Variants in CACNA1C observed in about 807,000 individuals in gnomAD.
The protein encoded by CACNA1C is voltage-dependent L-type calcium channel subunit alpha-1C.
CACNA1C carries 30 observed loss-of-function variants against 229.0 expected under a neutral mutation model. The observed-to-expected ratio is 0.13, with a 90% confidence interval of 0.10 to 0.18. The LOEUF is 0.18. Among genes scored for constraint, CACNA1C ranks in the 10% least tolerant of loss-of-function variants. The pLI is 1.00. For missense variants in CACNA1C, 1,658 were observed against 2,845.0 expected, an observed-to-expected ratio of 0.58 and a Z score of 9.49; for synonymous variants, 1,114 against 1,132.5, an observed-to-expected ratio of 0.98 and a Z score of 0.33.
chr12:2,385,537 G>GTAGC (rs2154546879), intron 3 of CACNA1C, among the ~76,000 whole-genome samples: 1 of 152,206 alleles, frequency 6.6e-6, no homozygotes, highest in East Asian at 1.9e-4. Flanking sequence ...CCCTCCCTCT[G>GTAGC]TAGCCTTAGG....
chr12:2,014,177 A>G (rs957513549), intron 1 of CACNA1C, among the ~76,000 whole-genome samples: 4 of 152,086 alleles, frequency 2.6e-5, no homozygotes, highest in East Asian at 3.9e-4. Flanking sequence ...TTTATAAACA[A>G]CCCCAAACAC....
chr12:2,684,725 C>T (rs990494806), intron 43 of CACNA1C, among the ~76,000 whole-genome samples: 5 of 152,168 alleles, frequency 3.3e-5, no homozygotes, highest in African/African-American at 1.2e-4. Context: ...GAAATGGAAG[C>T]TGGATCTGCA....
chr12:2,456,979 C>T (rs1168801364), intron 4 of CACNA1C, among the ~76,000 whole-genome samples: 2 of 152,232 alleles, frequency 1.3e-5, no homozygotes, highest in African/African-American at 4.8e-5. Flanking sequence ...GGCTGAAAGC[C>T]CTGTGTCTCA....
chr12:2,190,207 G>A (rs149428826), intron 3 of CACNA1C, among the ~76,000 whole-genome samples: 1 of 152,332 alleles, frequency 6.6e-6, no homozygotes, highest in African/African-American at 2.4e-5. Flanking sequence ...GTACTTCTGT[G>A]TGAAATGGCG....
At chr12:2,429,021 G>T (rs536619875) in intron 3 of CACNA1C, among the ~76,000 whole-genome samples, 1 of 152,120 alleles carries the variant, frequency 6.6e-6, no homozygotes, top group Non-Finnish European at 1.5e-5. Context: ...AGTTGGCGGG[G>T]CCATTCTCTA....
Position 2,630,342 on chromosome 12 carries a change from A to G in CACNA1C, c.3829-3955A>G, listed in dbSNP as rs188108368. ...AGCAACCGAGGGGGCGGGCAAAAACAGAGAGAAGAGAGATGAGACAGCATC... is the reference window on the plus strand; with the variant it reads ...AGCAACCGAGGGGGCGGGCAAAAACGGAGAGAAGAGAGATGAGACAGCATC... On this transcript the variant is annotated intron_variant, in intron 29 of 46. Coordinates refer to ENST00000399655, the MANE Select transcript of CACNA1C (RefSeq NM_000719.7). The surrounding 1 kb of genome is among the most constrained non-coding windows in gnomAD (Gnocchi z 5.4). Among the ~76,000 whole-genome samples the G allele has an allele frequency of 1.3e-5, 2 of 152,256 alleles. No homozygotes were observed. The highest frequency in any genetic ancestry group is 3.9e-4 in the East Asian group (2 of 5,174).
chr12:2,031,958 T>C (rs2048293590), intron 1 of CACNA1C, among the ~76,000 whole-genome samples: 1 of 150,278 alleles, frequency 6.7e-6, no homozygotes. Flanking sequence ...GACAAATGTG[T>C]TGCTCTTTCT....
chr12:2,584,561 C>A lies in CACNA1C; in HGVS notation c.2283C>A (p.Ser761Arg). 2 of 1,613,856 alleles carry A rather than the reference C, an allele frequency of 1.2e-6. No individual in the cohort carries two copies. Among genetic ancestry groups the A allele is most frequent in the Non-Finnish European group, 1.7e-6 (2 of 1,179,790 alleles). ...TGGACAACCTGGCTGATGCTGAGAG[C>A]CTCACATCTGCCCAAAAGGAGGAGG... ...IAVDNLADAE[S>R]LTSAQKEEEE... Residue 761 changes from serine to arginine, a missense_variant, in exon 16 of 47, where the codon AGC becomes AGA. Transcript: ENST00000399655.
At chr12:2,119,816 A>C (rs1161618214) in intron 2 of CACNA1C, among the ~76,000 whole-genome samples, 29 of 152,250 alleles carry the variant, frequency 1.9e-4, no homozygotes, top group Non-Finnish European at 1.5e-5. Flanking sequence ...AATGGAAACC[A>C]CTCTTAACCT....
intron 16 of CACNA1C, among the ~76,000 whole-genome samples, chr12:2,584,985 C>T (rs2301362): frequency 1.4e-3 from 208 of 152,276 alleles, no homozygotes; most frequent in East Asian, 7.7e-3. Context: ...AATTCATCTC[C>T]AGTGTTAGGA....
At chr12:2,239,206 G>T (rs2068741941) in intron 3 of CACNA1C, among the ~76,000 whole-genome samples, 1 of 152,206 alleles carries the variant, frequency 6.6e-6, no homozygotes, top group Non-Finnish European at 1.5e-5. Flanking sequence ...TACCAAAACA[G>T]CCAGAGAACT....
intron 28 of CACNA1C, 89 bp from the exon 29 acceptor site, chr12:2,611,814 G>T (rs370309289): frequency 1.3e-6 from 1 of 774,694 alleles, no homozygotes; most frequent in South Asian, 1.6e-5. Context: ...TTGCTGAGGC[G>T]AGGGCCTTCG....
At chr12:2,473,176 G>A (rs1019897305) in intron 5 of CACNA1C, among the ~76,000 whole-genome samples, 6 of 152,170 alleles carry the variant, frequency 3.9e-5, no homozygotes, top group African/African-American at 7.2e-5. Context: ...CTTTTCTGCT[G>A]TCAACCCTAA....
At chr12:2,570,861 G>A (rs2053980591) in intron 13 of CACNA1C, among the ~76,000 whole-genome samples, 2 of 152,204 alleles carry the variant, frequency 1.3e-5, no homozygotes, top group Non-Finnish European at 1.5e-5. Flanking sequence ...TTAAAATCCA[G>A]AAGTTTAATG....
At chr12:2,557,344 T>A (rs1445819423) in intron 11 of CACNA1C, among the ~76,000 whole-genome samples, 1 of 152,166 alleles carries the variant, frequency 6.6e-6, no homozygotes, top group East Asian at 1.9e-4. Context: ...TGGTGAGATG[T>A]AACCTTTGAT....
At chr12:2,308,658 C>T (rs985288942) in intron 3 of CACNA1C, among the ~76,000 whole-genome samples, 2 of 152,130 alleles carry the variant, frequency 1.3e-5, no homozygotes, top group East Asian at 1.9e-4. Context: ...AGTGCTTTGG[C>T]TATTCAGGCA....
In CACNA1C at chr12:2,491,511, G is replaced by GAA. The variant is rs2099733360; in HGVS notation, c.917-1679_917-1678insAA. Among the ~76,000 whole-genome samples the GAA allele has an allele frequency of 5.4e-5, 8 of 148,138 alleles. No homozygotes were observed. The South Asian group carries it at 1.1e-3, about 20-fold the overall frequency. Reference sequence around the variant, plus strand: ...AAATGAAATTGACAGAGAACAAGGAGGAGGAGGAGGCCACAAAGATGACCA... The same window carrying GAA: ...AAATGAAATTGACAGAGAACAAGGAGAAGAGGAGGAGGCCACAAAGATGACCA... On this transcript the variant is annotated intron_variant, in intron 6 of 46. Coordinates refer to ENST00000399655, the MANE Select transcript of CACNA1C (RefSeq NM_000719.7).
At chr12:2,255,832 T>TAGTTTAAAATCACAGGATCCTGACCTG (rs1476690825) in intron 3 of CACNA1C, among the ~76,000 whole-genome samples, 9 of 23,618 alleles carry the variant, frequency 3.8e-4, no homozygotes, top group African/African-American at 1.8e-3. Context: ...ATCCTGACCT[T>TAGTTTAAAATCACAGGATCCTGACCTG]ACTAGTTTAC....
chr12:2,283,136 GT>G (rs2091860107), intron 3 of CACNA1C, among the ~76,000 whole-genome samples: 1 of 151,990 alleles, frequency 6.6e-6, no homozygotes, highest in Admixed American at 6.5e-5. Context: ...AGGTTTGGAT[GT>G]AGTAGATCTT....
Sources: gnomAD v4.1 joint callset for allele counts (sites outside exome capture counted in the v4.1 genomes callset) on GRCh38, gnomAD v4.1.1 for gene constraint, Gnocchi (gnomAD v3.1) non-coding constraint, MANE v1.5 for transcripts, NCBI Gene and HGNC (gene_info 2026-07-23, HGNC 2026-07-21) for gene names.